Variants in TMCO5A observed in about 807,000 individuals in gnomAD.
TMCO5A encodes the protein transmembrane and coiled-coil domain-containing protein 5A.
TMCO5A carries 34 observed loss-of-function variants against 42.3 expected under a neutral mutation model. The observed-to-expected ratio is 0.80, with a 90% CI of 0.61 to 1.07. The LOEUF (loss-of-function observed/expected upper bound fraction) is 1.07, where lower values mean the gene tolerates loss of function less well. Among genes scored for constraint, TMCO5A ranks in the 50% least tolerant of loss-of-function variants. The pLI, the probability that TMCO5A is intolerant of heterozygous loss-of-function variation, is 0.00. For synonymous variants in TMCO5A, 131 were observed against 115.6 expected (o/e 1.13, Z -0.86); for missense variants, 357 against 327.9 (o/e 1.09, Z -0.69).
At chr15:38,010,251 G>T in the TMCO5A span, among the ~76,000 whole-genome samples, 1 of 151,610 alleles carries the variant, frequency 6.6e-6, no homozygotes, top group Non-Finnish European at 1.5e-5. Context: ...TGGCCGGCGC[G>T]TGTAGTCCCA....
chr15:37,955,830 A>T (rs1890274425), downstream of TMCO5A, among the ~76,000 whole-genome samples: 1 of 152,150 alleles, frequency 6.6e-6, no homozygotes, highest in Non-Finnish European at 1.5e-5. Flanking sequence ...TCCAAAATTG[A>T]CCACATAATT....
At chr15:38,028,561 A>G in the TMCO5A span, among the ~76,000 whole-genome samples, 1 of 152,200 alleles carries the variant, frequency 6.6e-6, no homozygotes, top group African/African-American at 2.4e-5. Context: ...TTTTGCTCAC[A>G]GATTAATTTC....
the TMCO5A span, among the ~76,000 whole-genome samples, chr15:38,038,145 T>A: frequency 1.7e-4 from 26 of 152,180 alleles, no homozygotes; most frequent in Non-Finnish European, 3.5e-4. Flanking sequence ...TTTATAGATA[T>A]AGAAAAAAAG....
the TMCO5A span, among the ~76,000 whole-genome samples, chr15:38,026,806 G>T: frequency 6.6e-6 from 1 of 152,228 alleles, no homozygotes; most frequent in Non-Finnish European, 1.5e-5. Flanking sequence ...AGCTGCTCCA[G>T]CCATGGCTGA....
the TMCO5A span, among the ~76,000 whole-genome samples, chr15:38,000,073 A>C: frequency 6.6e-6 from 1 of 152,076 alleles, no homozygotes; most frequent in Admixed American, 6.6e-5. Flanking sequence ...TCAATTTTTC[A>C]GAATAGTTTG....
downstream of TMCO5A, chr15:37,951,445 C>T: frequency 1.9e-6 from 1 of 538,510 alleles, no homozygotes; most frequent in Non-Finnish European, 3.3e-6. Context: ...TGTGGATCGG[C>T]TGAATAGTAC....
the TMCO5A span, among the ~76,000 whole-genome samples, chr15:37,976,231 C>T: frequency 6.6e-6 from 1 of 150,532 alleles, no homozygotes; most frequent in Non-Finnish European, 1.5e-5. Flanking sequence ...GGTGACAGAG[C>T]AAGACCCCAT....
At chr15:38,027,576 T>C in the TMCO5A span, among the ~76,000 whole-genome samples, 1 of 152,112 alleles carries the variant, frequency 6.6e-6, no homozygotes, top group Admixed American at 6.6e-5. Flanking sequence ...AGTTAATACT[T>C]TGGGGGACTG....
chr15:37,950,088 A>G (rs922999034), intron 11 of TMCO5A, among the ~76,000 whole-genome samples: 3 of 152,192 alleles, frequency 2.0e-5, no homozygotes, highest in African/African-American at 4.8e-5. Context: ...GGAAACTGCA[A>G]TACCTTTATG....
chr15:37,943,190 TTTAA>T (rs1209576871), intron 9 of TMCO5A, 147 bp from the exon 10 acceptor site: 3 of 601,298 alleles, frequency 5.0e-6, no homozygotes, highest in Admixed American at 7.4e-5. Flanking sequence ...TTAATTTAAC[TTTAA>T]TTAATTTAAA....
chr15:37,973,439 CTCTGATT>C, the TMCO5A span, among the ~76,000 whole-genome samples: 3 of 152,098 alleles, frequency 2.0e-5, no homozygotes, highest in African/African-American at 7.2e-5. Context: ...AATATGTCAT[CTCTGATT>C]TCTTTGAGCA....
At chr15:37,934,800 A>T (rs1889456917) in intron 1 of TMCO5A, 106 bp downstream of exon 1, 1 of 152,158 alleles carries the variant, frequency 6.6e-6, no homozygotes, top group Admixed American at 6.5e-5. Context: ...AATACTAAAG[A>T]TCTTAATATC....
chr15:38,029,605 A>G, the TMCO5A span, among the ~76,000 whole-genome samples: 1 of 152,110 alleles, frequency 6.6e-6, no homozygotes, highest in Non-Finnish European at 1.5e-5. Flanking sequence ...GACCACAGGC[A>G]TGCACTACCA....
At chr15:37,938,299 T>C in intron 6 of TMCO5A, 70 bp downstream of exon 6, 1 of 1,318,702 alleles carries the variant, frequency 7.6e-7, no homozygotes, top group Non-Finnish European at 1.1e-6. Context: ...AAGTTGGAAA[T>C]CAATGTCAAC....
At position 37,943,386 on chromosome 15, in the gene TMCO5A, C is replaced by A. The variant is rs1340561042; in HGVS notation, c.615C>A (p.Ser205Arg). The part of the protein sequence containing the change: ...SMNPVEKEHT[S>R]QNNEGTPTQK... ...ACCCTGTGGAAAAAGAGCATACCAGCCAAAATAATGAGGTAAACACTCCAT... is the reference window on the plus strand; with the variant it reads ...ACCCTGTGGAAAAAGAGCATACCAGACAAAATAATGAGGTAAACACTCCAT... The change falls in exon 10 of 12, where the codon AGC becomes AGA. Residue 205 changes from serine (S) to arginine (R), a missense_variant. Ser to Arg is a moderately radical substitution (Grantham distance 110). Transcript: ENST00000319669. 1 of 1,612,320 alleles carries A rather than the reference C, an allele frequency of 6.2e-7. No individual in the cohort carries two copies. The highest frequency in any genetic ancestry group is 8.5e-7 in the Non-Finnish European group (1 of 1,179,044).
At chr15:37,967,737 T>C (rs1890589466), downstream of TMCO5A, 1 of 152,146 alleles carries the variant, frequency 6.6e-6, no homozygotes, top group Non-Finnish European at 1.5e-5. Flanking sequence ...AAAAACTGGA[T>C]ATATTTGAAC....
downstream of TMCO5A, among the ~76,000 whole-genome samples, chr15:37,953,849 T>A (rs1179139864): frequency 1.3e-5 from 2 of 151,622 alleles, no homozygotes; most frequent in African/African-American, 4.8e-5. Context: ...TCAGAAAAAT[T>A]TAACAAAGAG....
At position 37,961,976 on chromosome 15, in the gene TMCO5A, A is replaced by G. The variant is rs543089428; in HGVS notation, c.669-4649A>G. Among the ~76,000 whole-genome samples the G allele has an allele frequency of 1.1e-4, 16 of 152,208 alleles. No individual in the cohort carries two copies. The East Asian group carries it at 3.1e-3, about 29-fold the overall frequency. On this transcript the variant is annotated intron_variant, in intron 11 of 11. Coordinates refer to the TMCO5A transcript ENST00000559502. ...GGTTTTCAAGGTAAACAATCATATC[A>G]TCAGCAAACAGTGACAGTTTGACTT...
exon 12 of TMCO5A, chr15:37,966,658 C>T (rs532597873): frequency 1.4e-6 from 1 of 702,878 alleles, no homozygotes; most frequent in Non-Finnish European, 2.6e-6. Flanking sequence ...AAGATGGCTG[C>T]CAACAATCCA....
Sources: gnomAD v4.1 joint callset for allele counts (sites outside exome capture counted in the v4.1 genomes callset) on GRCh38, gnomAD v4.1.1 for gene constraint, MANE v1.5 for transcripts, NCBI Gene and HGNC (gene_info 2026-07-23, HGNC 2026-07-21) for gene names.